IGSF21: variants seen among roughly 807,000 people sequenced by gnomAD.
The protein encoded by IGSF21 is immunoglobulin superfamily member 21.
Under a neutral mutation model 46.8 loss-of-function variants are expected in IGSF21, and 28 were observed. That is an observed-to-expected ratio of 0.60 (90% CI 0.44 to 0.82). IGSF21 has a LOEUF of 0.82. Among genes scored for constraint, IGSF21 ranks in the 40% least tolerant of loss-of-function variants. The pLI, the probability that IGSF21 is intolerant of heterozygous loss-of-function variation, is 0.00. For synonymous variants in IGSF21, 284 were observed against 273.6 expected, an observed-to-expected ratio of 1.04 and a Z score of -0.38; for missense variants, 624 against 665.5, an observed-to-expected ratio of 0.94 and a Z score of 0.69.
chr1:18,206,266 G>A (rs1457980041), intron 1 of IGSF21, among the ~76,000 whole-genome samples: 1 of 152,174 alleles, frequency 6.6e-6, no homozygotes, highest in African/African-American at 2.4e-5. Flanking sequence ...ATGTGTTCTG[G>A]GGCTGGGTGC....
chr1:18,243,302 C>T (rs1217299630), intron 2 of IGSF21, among the ~76,000 whole-genome samples: 2 of 152,148 alleles, frequency 1.3e-5, no homozygotes, highest in Non-Finnish European at 2.9e-5. Flanking sequence ...CAGCGAACGG[C>T]ATCACCATCC....
At chr1:18,294,269 G>A (rs1240431325) in intron 3 of IGSF21, among the ~76,000 whole-genome samples, 1 of 152,154 alleles carries the variant, frequency 6.6e-6, no homozygotes, top group Non-Finnish European at 1.5e-5. Context: ...TTCAAGTGAA[G>A]TGCTGGTTTC....
In IGSF21 at chr1:18,149,404, C is replaced by T. The variant is rs536072169; in HGVS notation, c.70+41206C>T. The stretch of plus-strand genomic sequence containing the variant: ...GAGGGAGGGGGTGGCCATCCCGGCA[C>T]GGTTCAGAGGCTCAGACTCATGGCT... On this transcript the variant is annotated intron_variant, in intron 1 of 9. Coordinates refer to ENST00000251296, the MANE Select transcript of IGSF21 (RefSeq NM_032880.5). Among the ~76,000 whole-genome samples, 13 of 152,276 alleles carry T rather than the reference C, an allele frequency of 8.5e-5. No individual in the cohort carries two copies. In the South Asian group the frequency reaches 2.1e-3, roughly 24 times the overall value.
chr1:18,267,841 A>G (rs1433650909), intron 2 of IGSF21, among the ~76,000 whole-genome samples: 1 of 152,260 alleles, frequency 6.6e-6, no homozygotes, highest in East Asian at 1.9e-4. Context: ...TTCATAAATA[A>G]GATTCTGTTT....
At chr1:18,254,999 C>T (rs939452071) in intron 2 of IGSF21, among the ~76,000 whole-genome samples, 1 of 152,242 alleles carries the variant, frequency 6.6e-6, no homozygotes, top group South Asian at 2.1e-4. Context: ...TTAGTTCACA[C>T]AGCCTATCTG....
At chr1:18,201,927 A>G (rs2087079207) in intron 1 of IGSF21, among the ~76,000 whole-genome samples, 1 of 152,136 alleles carries the variant, frequency 6.6e-6, no homozygotes, top group Admixed American at 6.5e-5. Context: ...AATAAGTTAG[A>G]TATCAAATCT....
At chr1:18,302,461 C>T (rs2085371745) in intron 3 of IGSF21, among the ~76,000 whole-genome samples, 1 of 152,226 alleles carries the variant, frequency 6.6e-6, no homozygotes, top group Non-Finnish European at 1.5e-5. Context: ...CCTCCTGTTA[C>T]TGAAGGTGGA....
intron 2 of IGSF21, among the ~76,000 whole-genome samples, chr1:18,255,629 T>C (rs2084884731): frequency 6.6e-6 from 1 of 152,124 alleles, no homozygotes; most frequent in African/African-American, 2.4e-5. Flanking sequence ...CTCTTGATTA[T>C]ACCCTGTGTT....
chr1:18,149,321 G>C (rs973761752), intron 1 of IGSF21, among the ~76,000 whole-genome samples: 3 of 152,198 alleles, frequency 2.0e-5, no homozygotes, highest in Non-Finnish European at 4.4e-5. Context: ...CAGTCTCCGA[G>C]GCTTCGGGGC....
At chr1:18,271,615 C>T (rs2085043328) in intron 2 of IGSF21, among the ~76,000 whole-genome samples, 1 of 152,212 alleles carries the variant, frequency 6.6e-6, no homozygotes. Context: ...TCCTCTTGCC[C>T]TCCCTCCCCT....
intron 4 of IGSF21, among the ~76,000 whole-genome samples, chr1:18,357,796 G>A (rs1200060524): frequency 6.6e-6 from 1 of 152,120 alleles, no homozygotes; most frequent in African/African-American, 2.4e-5. Context: ...GTGAGATGCA[G>A]AGTGACATTT....
intron 3 of IGSF21, among the ~76,000 whole-genome samples, chr1:18,302,113 C>G (rs2085367953): frequency 6.6e-6 from 1 of 151,716 alleles, no homozygotes; most frequent in African/African-American, 2.4e-5. Context: ...GTTCCCACTT[C>G]TTCTCTCCTT....
chr1:18,186,069 G>GAGGTA (rs1440743919), intron 1 of IGSF21, among the ~76,000 whole-genome samples: 1 of 152,222 alleles, frequency 6.6e-6, no homozygotes, highest in Non-Finnish European at 1.5e-5. Flanking sequence ...GCAGTGAGGT[G>GAGGTA]AGTGATGAGC....
intron 3 of IGSF21, among the ~76,000 whole-genome samples, chr1:18,326,395 G>C (rs2085658623): frequency 6.6e-6 from 1 of 152,176 alleles, no homozygotes; most frequent in Non-Finnish European, 1.5e-5. Context: ...GCAGGCACTT[G>C]GCTCATAAGA....
intron 2 of IGSF21, among the ~76,000 whole-genome samples, chr1:18,277,731 G>A (rs2085116566): frequency 6.6e-6 from 1 of 152,164 alleles, no homozygotes; most frequent in African/African-American, 2.4e-5. Context: ...CACAGCAGGG[G>A]TGGATCTAAA....
chr1:18,153,271 GT>G (rs547575514), intron 1 of IGSF21, among the ~76,000 whole-genome samples: 111 of 152,352 alleles, frequency 7.3e-4, no homozygotes, highest in African/African-American at 2.4e-3. Flanking sequence ...GTTATAGATG[GT>G]TTTGTCCTCT....
Position 18,334,951 on chromosome 1 carries a change from A to G in IGSF21, c.365A>G (p.Asp122Gly). The change falls in exon 4 of 10, where the codon GAC (aspartate) becomes GGC (glycine). Residue 122 changes from aspartate (D) to glycine (G), a missense_variant. By Grantham distance (94) the Asp-to-Gly change is moderately conservative. Transcript: ENST00000251296. The surrounding 1 kb of genome is among the most constrained non-coding windows in gnomAD (Gnocchi z 4.3). ...GPYECHVGIY[D>G]RATREKVVLA... ...TATGAGTGCCATGTGGGCATCTACG[A>G]CCGCGCCACCAGGGAGAAGGTGGTC... 1 of 1,614,104 alleles carries G rather than the reference A, an allele frequency of 6.2e-7. No homozygotes were observed. The highest frequency in any genetic ancestry group is 8.5e-7 in the Non-Finnish European group (1 of 1,180,010).
At chr1:18,230,992 C>G (rs755870092) in intron 2 of IGSF21, among the ~76,000 whole-genome samples, 9 of 151,906 alleles carry the variant, frequency 5.9e-5, no homozygotes, top group Non-Finnish European at 1.2e-4. Context: ...GTGTTTGCTT[C>G]CCGTCCCAGC....
At chr1:18,155,091 G>C (rs1172849005) in intron 1 of IGSF21, among the ~76,000 whole-genome samples, 1 of 151,980 alleles carries the variant, frequency 6.6e-6, no homozygotes, top group Non-Finnish European at 1.5e-5. Context: ...GATTTTTGTA[G>C]ATTCTAGCCA....
Sources: allele counts gnomAD v4.1 joint callset (sites outside exome capture counted in the v4.1 genomes callset), GRCh38; gene constraint gnomAD v4.1.1; non-coding constraint Gnocchi (gnomAD v3.1); transcripts MANE v1.5; gene names NCBI Gene and HGNC (gene_info 2026-07-23, HGNC 2026-07-21).